The following G3BP2 variants were observed in gnomAD, a reference collection of about 807,000 sequenced individuals.
G3BP2 encodes the protein ras GTPase-activating protein-binding protein 2.
In G3BP2, 11 loss-of-function variants were observed where a neutral mutation model predicts 56.7. The observed-to-expected ratio is 0.19, with a 90% CI of 0.12 to 0.32. The LOEUF (loss-of-function observed/expected upper bound fraction) is 0.32. Among genes scored for constraint, G3BP2 ranks in the 10% least tolerant of loss-of-function variants. G3BP2 has a pLI of 1.00. For synonymous variants in G3BP2, 165 were observed against 191.6 expected (o/e 0.86, Z 1.15); for missense variants, 340 against 610.9 (o/e 0.56, Z 4.67).
intron 3 of G3BP2, among the ~76,000 whole-genome samples, chr4:75,718,305 C>A (rs762688755): frequency 6.7e-6 from 1 of 149,418 alleles, no homozygotes; most frequent in Non-Finnish European, 1.5e-5. Flanking sequence ...GGAAACACAC[C>A]TGGGTTATAC....
At chr4:75,660,409 T>C (rs1363893215) in intron 2 of G3BP2, among the ~76,000 whole-genome samples, 2 of 152,146 alleles carry the variant, frequency 1.3e-5, no homozygotes, top group Admixed American at 1.3e-4. Flanking sequence ...AATAGAATGG[T>C]TGGGGACACT....
chr4:75,700,446 A>G, intron 3 of G3BP2, among the ~76,000 whole-genome samples: 1 of 143,834 alleles, frequency 7.0e-6, no homozygotes, highest in South Asian at 2.4e-4. Context: ...TTTGAGACGA[A>G]GTCTTGCTCT....
At chr4:75,718,272 G>C (rs1245615876) in intron 3 of G3BP2, among the ~76,000 whole-genome samples, 7 of 145,354 alleles carry the variant, frequency 4.8e-5, no homozygotes, top group Non-Finnish European at 1.5e-5. Flanking sequence ...AAGTAATTCT[G>C]CTTATTGTAT....
rs1244319176 is a variant in G3BP2 at position 75,655,266 on chromosome 4, T to G, written c.546-20A>C. On this transcript the variant is annotated intron_variant, in intron 6 of 11. Transcript: ENST00000359707. ...CCATTACTACAATAAAATATTTAGT[T>G]CACTTTTTAGTAGGAGTTCAAGTAA... is the stretch of plus-strand genomic sequence containing the variant. 4 of 1,570,806 alleles carry G rather than the reference T, an allele frequency of 2.5e-6. No individual in the cohort carries two copies. In the South Asian group the frequency reaches 3.4e-5, roughly 13 times the overall value.
At chr4:75,651,999 T>C (rs1731730791) in intron 8 of G3BP2, among the ~76,000 whole-genome samples, 1 of 152,196 alleles carries the variant, frequency 6.6e-6, no homozygotes, top group Admixed American at 6.5e-5. Context: ...TACACAAAAG[T>C]AACAAACTAA....
intron 3 of G3BP2, among the ~76,000 whole-genome samples, chr4:75,658,584 G>A (rs1197767165): frequency 1.3e-5 from 2 of 151,852 alleles, no homozygotes; most frequent in African/African-American, 2.4e-5. Flanking sequence ...AAAATTAGCC[G>A]GGTGTGGTGG....
upstream of G3BP2, chr4:75,673,620 C>G: frequency 8.1e-7 from 1 of 1,231,002 alleles, no homozygotes; most frequent in Non-Finnish European, 1.0e-6. Flanking sequence ...GGCCTAAAGC[C>G]AAGATAAGAG....
Position 75,643,455 on chromosome 4 carries a change from GA to G in G3BP2, c.*1974del, listed in dbSNP as rs1731008336. The G allele has an allele frequency of 6.8e-6, 1 of 147,974 alleles. No individual in the cohort carries two copies. The highest frequency in any genetic ancestry group is 2.5e-5 in the African/African-American group (1 of 39,874). The allele number at this position is 147,974 out of a possible 1,614,324, so 9.2% of individuals were successfully genotyped here. A position where few individuals can be genotyped will look rare whatever the true frequency, so the allele number is the denominator to read the frequency against. ...GGTAAGAATTTCAAGTACTATATCA[GA>G]AAGTATAAAACTGTTTCAAACAGAA... On this transcript the variant is annotated 3_prime_UTR_variant, in exon 12 of 12. Transcript: ENST00000359707.
chr4:75,678,658 TA>T (rs1331997524), intron 3 of G3BP2, among the ~76,000 whole-genome samples: 2 of 152,004 alleles, frequency 1.3e-5, no homozygotes, highest in Non-Finnish European at 2.9e-5. Flanking sequence ...CCAAAAAAAA[TA>T]AAAAAGAATC....
chr4:75,644,145 AT>A lies in G3BP2; in HGVS notation c.*1284del, dbSNP rs1731056639. 6.6e-6 allele frequency: 1 copy of A among 152,610 alleles called. No individual in the cohort carries two copies. The highest frequency in any genetic ancestry group is 2.4e-5 in the African/African-American group (1 of 41,450). 9.5% of individuals were successfully genotyped at this position (152,610 alleles called of 1,614,324 possible). A position where few individuals can be genotyped will look rare whatever the true frequency, so the allele number is the denominator to read the frequency against. ...TATCCTCACTTCAGGCTTACTTGCC[AT>A]TTATAGAATCTGACTGCTTTTAAAA... On this transcript the variant is annotated 3_prime_UTR_variant, in exon 12 of 12. Transcript: ENST00000359707.
Position 75,647,085 on chromosome 4 carries a change from A to T in G3BP2, c.1001T>A (p.Phe334Tyr). ...IIRYPDSHQL[F>Y]VGNLPHDIDE... ...AATATCATGTGGCAAGTTACCAACA[A>T]AAAGTTGATGACTATCTGGATAGCG... The change falls in exon 10 of 12, where the codon TTT (phenylalanine) becomes TAT (tyrosine). Residue 334 changes from phenylalanine (F) to tyrosine (Y), a missense_variant. By Grantham distance (22) the Phe-to-Tyr change is conservative. Transcript: ENST00000359707. 1 of 1,597,710 alleles carries T rather than the reference A, an allele frequency of 6.3e-7. No homozygotes were observed. The highest frequency in any genetic ancestry group is 8.6e-7 in the Non-Finnish European group (1 of 1,165,982).
intron 7 of G3BP2, 169 bp downstream of exon 7, chr4:75,654,897 C>A: frequency 1.7e-6 from 1 of 585,972 alleles, no homozygotes; most frequent in Non-Finnish European, 3.0e-6. Context: ...TTTTGCGGGG[C>A]AGGGAAACAA....
intron 3 of G3BP2, among the ~76,000 whole-genome samples, chr4:75,682,204 CA>C (rs1474269885): frequency 6.6e-6 from 1 of 152,032 alleles, no homozygotes; most frequent in Non-Finnish European, 1.5e-5. Context: ...ATCACGAGGT[CA>C]AGAGCTCGAG....
chr4:75,714,828 T>C (rs540168847), intron 3 of G3BP2, among the ~76,000 whole-genome samples: 10 of 152,190 alleles, frequency 6.6e-5, no homozygotes, highest in Admixed American at 3.3e-4. Context: ...ATGCTGGAGA[T>C]AGAACAGTCA....
upstream of G3BP2, among the ~76,000 whole-genome samples, chr4:75,677,814 T>A (rs1321989574): frequency 6.6e-6 from 1 of 152,188 alleles, no homozygotes; most frequent in Non-Finnish European, 1.5e-5. Context: ...GTGGATTGAA[T>A]GTATGTGCCC....
intron 3 of G3BP2, among the ~76,000 whole-genome samples, chr4:75,697,932 T>TCAAACAAA (rs56793255): frequency 3.3e-5 from 5 of 151,260 alleles, no homozygotes; most frequent in Non-Finnish European, 4.4e-5. Context: ...AAACTTCATC[T>TCAAACAAA]CAAACAAACA....
In G3BP2 at chr4:75,720,022, C is replaced by CTTTTTTT. The variant is rs67468716; in HGVS notation, c.-25+848_-25+854dup. Among the ~76,000 whole-genome samples the CTTTTTTT allele has an allele frequency of 1.0e-4, 10 of 97,320 alleles. 2 individuals are homozygous for CTTTTTTT. The highest frequency in any genetic ancestry group is 1.2e-4 in the African/African-American group (3 of 24,202). The allele number at this position is 97,320 out of a possible 152,430, so 63.8% of individuals were successfully genotyped here. Reference sequence around the variant, plus strand: ...GAGCAGGATGGGGGGGCCCAGAACCCTTTTTTTTTTTTGAGAAAGGGTCTC... The same window carrying CTTTTTTT: ...GAGCAGGATGGGGGGGCCCAGAACCCTTTTTTTTTTTTTTTTTTTGAGAAAGGGTCTC... On this transcript the variant is annotated intron_variant, in intron 3 of 3. Transcript: ENST00000499709.
In G3BP2 at chr4:75,661,917, TG is replaced by T. The variant is rs775688233; in HGVS notation, c.95+13del. On this transcript the variant is annotated intron_variant, in intron 2 of 11. Transcript: ENST00000359707. ...AAGTAGATAAAAATACCAAATTATT[TG>T]TTTAAAATTTACCTGTGTAAATATT... The T allele has an allele frequency of 7.6e-7, 1 of 1,309,844 alleles. No individual in the cohort carries two copies. Among genetic ancestry groups the T allele is most frequent in the Non-Finnish European group, 1.1e-6 (1 of 905,424 alleles). The allele number at this position is 1,309,844 out of a possible 1,614,324, so 81.1% of individuals were successfully genotyped here.
intron 3 of G3BP2, among the ~76,000 whole-genome samples, chr4:75,700,329 G>C (rs1441534529): frequency 6.6e-6 from 1 of 151,690 alleles, no homozygotes; most frequent in Admixed American, 6.6e-5. Context: ...TGGGATTACA[G>C]GCGTGAGCCA....
Sources: gnomAD v4.1 joint callset for allele counts (sites outside exome capture counted in the v4.1 genomes callset) on GRCh38, gnomAD v4.1.1 for gene constraint, MANE v1.5 for transcripts, NCBI Gene and HGNC (gene_info 2026-07-23, HGNC 2026-07-21) for gene names.